LATS2: variants seen among roughly 807,000 people sequenced by gnomAD.
The protein encoded by LATS2 is serine/threonine-protein kinase LATS2.
A neutral mutation model predicts 76.0 loss-of-function variants in LATS2; 24 were observed. The observed-to-expected ratio is 0.32, with a 90% CI of 0.23 to 0.44. LATS2 has a LOEUF of 0.44. Among genes scored for constraint, LATS2 ranks in the 20% least tolerant of loss-of-function variants. The pLI is 1.00. For missense variants in LATS2, 1,286 were observed against 1,481.2 expected (o/e 0.87, Z 2.16); for synonymous variants, 692 against 635.4 (o/e 1.09, Z -1.34).
At position 20,987,973 on chromosome 13, in the gene LATS2, T is replaced by G; in HGVS notation, c.1807A>C (p.Lys603Gln). 1 of 1,614,252 alleles carries G rather than the reference T, an allele frequency of 6.2e-7. No individual in the cohort carries two copies. The highest frequency in any genetic ancestry group is 1.1e-5 in the South Asian group (1 of 91,086). Residue 603 changes from lysine (K) to glutamine (Q), a missense_variant, in exon 4 of 8, where the codon AAG becomes CAG. By Grantham distance (53) the Lys-to-Gln change is moderately conservative. Around this residue, in one of 5 missense-constraint regions of LATS2, gnomAD observed 710 missense variants for 660.9 expected, o/e 1.07. Coordinates refer to ENST00000382592, the MANE Select transcript of LATS2 (RefSeq NM_014572.3). The stretch of plus-strand genomic sequence containing the variant: ...TCCACGTGCTGCTCCATGAAGAACT[T>G]AAAGGCGTATGGCGAGTAGCTCTTG... ...RIKSYSPYAFKFFMEQHVENV... is the reference protein window; with the variant it reads ...RIKSYSPYAFQFFMEQHVENV...
chr13:21,043,666 G>A (rs951390069), intron 2 of LATS2, among the ~76,000 whole-genome samples: 5 of 152,138 alleles, frequency 3.3e-5, no homozygotes, highest in African/African-American at 4.8e-5. Context: ...AAACTTCATC[G>A]GTGTCATGAT....
intron 2 of LATS2, among the ~76,000 whole-genome samples, chr13:21,010,717 C>T (rs1871559373): frequency 6.6e-6 from 1 of 152,166 alleles, no homozygotes; most frequent in Non-Finnish European, 1.5e-5. Flanking sequence ...AGTCGTCACA[C>T]ATGTACTTTG....
At chr13:20,990,417 CA>C in intron 3 of LATS2, among the ~76,000 whole-genome samples, 1 of 148,760 alleles carries the variant, frequency 6.7e-6, no homozygotes, top group Admixed American at 6.7e-5. Flanking sequence ...AGGTTTTATC[CA>C]AGGTCTTCCA....
chr13:21,022,466 C>G (rs1402099210), intron 2 of LATS2, among the ~76,000 whole-genome samples: 1 of 152,180 alleles, frequency 6.6e-6, no homozygotes, highest in Non-Finnish European at 1.5e-5. Flanking sequence ...TTGTACTGCA[C>G]GGTTAGAAGG....
At chr13:21,028,228 T>C (rs931031452) in intron 2 of LATS2, among the ~76,000 whole-genome samples, 4 of 152,176 alleles carry the variant, frequency 2.6e-5, no homozygotes, top group African/African-American at 9.7e-5. Context: ...TGATTTCCAA[T>C]TTCATCCATG....
Position 21,046,325 on chromosome 13 carries a change from A to G in LATS2, c.-204-95T>C, listed in dbSNP as rs116301164. The G allele has an allele frequency of 1.3e-3, 421 of 320,844 alleles. 1 individual carries two copies. Among genetic ancestry groups the G allele is most frequent in the African/African-American group, 7.7e-3 (364 of 47,580 alleles). 19.9% of individuals were successfully genotyped at this position (320,844 alleles called of 1,614,324 possible). ...AGAAATAAACAGTGATCGTGGAAAT[A>G]TACCGCTTGGAAAGAAAAGAAAGAA... On this transcript the variant is annotated intron_variant, in intron 1 of 7. Transcript: ENST00000382592.
At chr13:21,040,422 T>C (rs376970905) in intron 2 of LATS2, among the ~76,000 whole-genome samples, 3 of 151,348 alleles carry the variant, frequency 2.0e-5, no homozygotes, top group South Asian at 2.1e-4. Context: ...GAAATGTCTT[T>C]GCTGTGGAAG....
intron 5 of LATS2, 34 bp from the exon 6 acceptor site, chr13:20,981,682 G>T (rs773118467): frequency 2.6e-6 from 4 of 1,545,238 alleles, no homozygotes; most frequent in Non-Finnish European, 3.5e-6. Flanking sequence ...TGAAAGAAAA[G>T]AACAAAATAT....
intron 2 of LATS2, among the ~76,000 whole-genome samples, chr13:21,027,111 T>G (rs555313062): frequency 6.6e-6 from 1 of 152,220 alleles, no homozygotes; most frequent in Non-Finnish European, 1.5e-5. Context: ...ATTCCAAATG[T>G]GAGTCCATTG....
intron 1 of LATS2, among the ~76,000 whole-genome samples, chr13:21,047,687 A>C (rs1313591601): frequency 6.6e-6 from 1 of 151,742 alleles, no homozygotes; most frequent in Non-Finnish European, 1.5e-5. Context: ...TGCTTCACAG[A>C]CTTTTTCAAG....
intron 2 of LATS2, among the ~76,000 whole-genome samples, chr13:21,040,376 C>CAAAAAAAAAAAAAAAAAAAAAA (rs141897751): frequency 3.7e-5 from 4 of 108,768 alleles, no homozygotes; most frequent in African/African-American, 1.4e-4. Context: ...GACCTTGTCT[C>CAAAAAAAAAAAAAAAAAAAAAA]AAAAAAAAAA....
At chr13:20,975,448 A>T (rs974126445) in intron 7 of LATS2, 84 bp from the exon 8 acceptor site, 3 of 1,384,822 alleles carry the variant, frequency 2.2e-6, no homozygotes, top group Non-Finnish European at 2.9e-6. Flanking sequence ...GTGACTTTCA[A>T]ATATGTTTAG....
In LATS2 at chr13:21,028,574, C is replaced by T. The variant is rs141363706; in HGVS notation, c.342+17111G>A. Among the ~76,000 whole-genome samples, 142 of 152,196 alleles carry T rather than the reference C, an allele frequency of 9.3e-4. 2 individuals are homozygous for T. The highest frequency in any genetic ancestry group is 3.1e-3 in the African/African-American group (127 of 41,536). On this transcript the variant is annotated intron_variant, in intron 2 of 7. Coordinates refer to ENST00000382592, the MANE Select transcript of LATS2 (RefSeq NM_014572.3). Reference sequence around the variant, plus strand: ...CTAAATACTACTGTAAATGAAACTGCATCTTAAATTTCAATTTTCTGGAGT... The same window carrying T: ...CTAAATACTACTGTAAATGAAACTGTATCTTAAATTTCAATTTTCTGGAGT...
chr13:21,015,126 A>T lies in LATS2; in HGVS notation c.343-23722T>A, dbSNP rs1166311653. ...GTGTCACATGCACAGTGTTCCAGGG[A>T]AACTGTATAACTCTCTTGGTCCAGT... On this transcript the variant is annotated intron_variant, in intron 2 of 7. Coordinates refer to ENST00000382592, the MANE Select transcript of LATS2 (RefSeq NM_014572.3). 3.9e-5 allele frequency among the ~76,000 whole-genome samples: 6 copies of T among 152,248 alleles called. No individual in the cohort carries two copies. In the East Asian group the frequency reaches 5.8e-4, roughly 15 times the overall value.
intron 2 of LATS2, among the ~76,000 whole-genome samples, chr13:21,023,699 C>G: frequency 7.4e-6 from 1 of 135,860 alleles, no homozygotes. Flanking sequence ...CTCGGCCGGG[C>G]GCAGTGGCTG....
At chr13:21,031,918 C>T (rs1872542117) in intron 2 of LATS2, among the ~76,000 whole-genome samples, 1 of 152,102 alleles carries the variant, frequency 6.6e-6, no homozygotes, top group South Asian at 2.1e-4. Flanking sequence ...GACACATTTC[C>T]CTTTCATTGT....
intron 1 of LATS2, among the ~76,000 whole-genome samples, chr13:21,054,116 T>C (rs753016623): frequency 6.6e-6 from 1 of 152,214 alleles, no homozygotes; most frequent in Non-Finnish European, 1.5e-5. Context: ...TAACTACTCC[T>C]ATTTAGCAAA....
intron 2 of LATS2, among the ~76,000 whole-genome samples, chr13:21,034,776 G>A (rs993442491): frequency 6.6e-6 from 1 of 152,136 alleles, no homozygotes; most frequent in East Asian, 1.9e-4. Context: ...ATACAGAGGG[G>A]AGAAGAATTT....
At chr13:20,979,988 G>A (rs1869800107) in intron 6 of LATS2, among the ~76,000 whole-genome samples, 191 bp from the exon 7 acceptor site, 1 of 152,172 alleles carries the variant, frequency 6.6e-6, no homozygotes. Flanking sequence ...GGTGGCCATG[G>A]CCGCTTAGGT....
Sources: gnomAD v4.1 joint callset for allele counts (sites outside exome capture counted in the v4.1 genomes callset) on GRCh38, gnomAD v4.1.1 for gene constraint, gnomAD v4.1.1 regional missense constraint, MANE v1.5 for transcripts, NCBI Gene and HGNC (gene_info 2026-07-23, HGNC 2026-07-21) for gene names.